FAM13A: variants seen among roughly 807,000 people sequenced by gnomAD.
FAM13A encodes the protein protein FAM13A.
In FAM13A, 76 loss-of-function variants were observed where a neutral mutation model predicts 129.6. The observed-to-expected ratio is 0.59, with a 90% CI of 0.49 to 0.71. FAM13A has a LOEUF of 0.71. FAM13A is among the 30% of genes least tolerant of loss of function. FAM13A has a pLI of 0.00. For synonymous variants in FAM13A, 443 were observed against 449.9 expected (o/e 0.98, Z 0.20); for missense variants, 1,108 against 1,249.3 (o/e 0.89, Z 1.70).
rs773764813 is a variant in FAM13A at position 88,961,347 on chromosome 4, C to CTTTTTTT, written c.606-23113_606-23107dup. Among the ~76,000 whole-genome samples the CTTTTTTT allele has an allele frequency of 1.5e-3, 84 of 55,440 alleles. 15 individuals are homozygous for CTTTTTTT. Among genetic ancestry groups the CTTTTTTT allele is most frequent in the Non-Finnish European group, 2.0e-3 (60 of 29,388 alleles). 36.4% of individuals were successfully genotyped at this position (55,440 alleles called of 152,430 possible). On this transcript the variant is annotated intron_variant, in intron 4 of 23. Transcript: ENST00000264344. ...AAATCCTCAGCTTTGTGGAATTTGC[C>CTTTTTTT]TTTTTTTTTTTTTTTTTTTTTTTTT...
At chr4:88,846,437 G>A (rs964025680) in intron 7 of FAM13A, among the ~76,000 whole-genome samples, 3 of 152,104 alleles carry the variant, frequency 2.0e-5, no homozygotes, top group Admixed American at 1.3e-4. Flanking sequence ...CCCTCCTTAG[G>A]AATCACCTTT....
intron 1 of FAM13A, among the ~76,000 whole-genome samples, chr4:89,034,581 C>T (rs1000353534): frequency 6.6e-6 from 1 of 152,174 alleles, no homozygotes; most frequent in Non-Finnish European, 1.5e-5. Context: ...GGGTAGTATA[C>T]ATCAAAGGAA....
intron 4 of FAM13A, among the ~76,000 whole-genome samples, chr4:88,970,597 A>G (rs1759947506): frequency 6.6e-6 from 1 of 151,890 alleles, no homozygotes; most frequent in South Asian, 2.1e-4. Context: ...ATTGAGTATT[A>G]TATAGACTGA....
At chr4:88,922,567 T>C (rs984675520) in intron 5 of FAM13A, among the ~76,000 whole-genome samples, 6 of 151,226 alleles carry the variant, frequency 4.0e-5, no homozygotes, top group African/African-American at 1.5e-4. Flanking sequence ...TAGAGGGAAA[T>C]TTATAGCACT....
chr4:88,832,038 C>A (rs1241455039), intron 7 of FAM13A, among the ~76,000 whole-genome samples: 1 of 152,038 alleles, frequency 6.6e-6, no homozygotes, highest in South Asian at 2.1e-4. Context: ...CAAAAACAGA[C>A]AAATAGACCA....
At chr4:88,923,902 A>C (rs1201392482) in intron 5 of FAM13A, among the ~76,000 whole-genome samples, 1 of 152,152 alleles carries the variant, frequency 6.6e-6, no homozygotes, top group Non-Finnish European at 1.5e-5. Flanking sequence ...ATTCTTATAC[A>C]CCAGTAACAG....
In FAM13A at chr4:88,938,147, C is replaced by G. The variant is rs917864542; in HGVS notation, c.700G>C (p.Glu234Gln). The change falls in exon 5 of 24, where the codon GAG becomes CAG. Residue 234 changes from glutamate (E) to glutamine (Q), a missense_variant. Transcript: ENST00000264344. ...CTCAGATGATCATTTTCTGTATACT[C>G]TACTTCAAACAGGGTATTGTAATTT... The part of the protein sequence containing the change: ...LENYNTLFEV[E>Q]YTENDHLRCE... 8.7e-6 allele frequency: 14 copies of G among 1,613,110 alleles called. No homozygotes were observed. Among genetic ancestry groups the G allele is most frequent in the Non-Finnish European group, 1.0e-5 (12 of 1,179,288 alleles).
chr4:89,028,551 T>C (rs1560867876), intron 2 of FAM13A, among the ~76,000 whole-genome samples: 1 of 151,882 alleles, frequency 6.6e-6, no homozygotes, highest in Non-Finnish European at 1.5e-5. Flanking sequence ...AATCAGGCAG[T>C]GTGGCAGAAC....
rs535291828 is a variant in FAM13A at position 89,012,327 on chromosome 4, T to C, written c.427+8133A>G. On this transcript the variant is annotated intron_variant, in intron 3 of 23. Coordinates refer to ENST00000264344, the MANE Select transcript of FAM13A (RefSeq NM_014883.4). ...TACTATAAACCTTGATTAAGGAAGATGAGTTGCTGCAGTCAGAGAGAAGCC... is the reference window on the plus strand; with the variant it reads ...TACTATAAACCTTGATTAAGGAAGACGAGTTGCTGCAGTCAGAGAGAAGCC... Among the ~76,000 whole-genome samples the C allele has an allele frequency of 2.8e-4, 43 of 152,262 alleles. No individual in the cohort carries two copies. The South Asian group carries it at 8.9e-3, about 32-fold the overall frequency.
intron 11 of FAM13A, among the ~76,000 whole-genome samples, chr4:88,780,466 T>G (rs1378689362): frequency 6.6e-6 from 1 of 152,196 alleles, no homozygotes; most frequent in Admixed American, 6.6e-5. Flanking sequence ...TGTTTTCTTT[T>G]TTAACTAAAG....
chr4:88,906,813 T>C (rs1362260827), intron 5 of FAM13A, among the ~76,000 whole-genome samples: 1 of 152,218 alleles, frequency 6.6e-6, no homozygotes. Flanking sequence ...CTCCAAAATA[T>C]CAACCAACAA....
intron 14 of FAM13A, among the ~76,000 whole-genome samples, chr4:88,757,992 T>C (rs1282813603): frequency 6.6e-6 from 1 of 152,194 alleles, no homozygotes; most frequent in African/African-American, 2.4e-5. Flanking sequence ...ACATACTGTA[T>C]AGAGGTAGAC....
chr4:88,755,850 T>G (rs964877605), intron 14 of FAM13A, among the ~76,000 whole-genome samples: 1 of 152,272 alleles, frequency 6.6e-6, no homozygotes. Context: ...GGTATTGTTA[T>G]GTTGCCTAGG....
chr4:88,932,839 C>G (rs1020194218), intron 5 of FAM13A, among the ~76,000 whole-genome samples: 1 of 152,128 alleles, frequency 6.6e-6, no homozygotes, highest in African/African-American at 2.4e-5. Context: ...TAATATTTTG[C>G]TTTGCTCAGA....
At chr4:88,823,159 C>T in intron 7 of FAM13A, 4 of 1,500,926 alleles carry the variant, frequency 2.7e-6, no homozygotes, top group Non-Finnish European at 3.5e-6. Flanking sequence ...CTGCAGTTGG[C>T]CAGTCTACTG....
Position 88,796,772 on chromosome 4 carries a change from C to T in FAM13A, c.1050-6145G>A, listed in dbSNP as rs936769027. ...AATTTAATCCACTTACATTTATTGT[C>T]CTAGCTGATTTGTTCTAGTATTGTT... is the stretch of plus-strand genomic sequence containing the variant. On this transcript the variant is annotated intron_variant, in intron 8 of 23. Coordinates refer to ENST00000264344, the MANE Select transcript of FAM13A (RefSeq NM_014883.4). Among the ~76,000 whole-genome samples, 3 of 151,214 alleles carry T rather than the reference C, an allele frequency of 2.0e-5. No homozygotes were observed. The South Asian group carries it at 6.3e-4, about 32-fold the overall frequency.
At position 88,754,763 on chromosome 4, in the gene FAM13A, T is replaced by C. The variant is rs1398703678; in HGVS notation, c.1726+3991A>G. The stretch of plus-strand genomic sequence containing the variant: ...CCAACAGAGTTAGAAAGAACCAGAG[T>C]AGTCAGCTTTATCAATCACAAATGT... On this transcript the variant is annotated intron_variant, in intron 14 of 23. Coordinates refer to ENST00000264344, the MANE Select transcript of FAM13A (RefSeq NM_014883.4). Among the ~76,000 whole-genome samples the C allele has an allele frequency of 2.0e-5, 3 of 152,328 alleles. No individual in the cohort carries two copies. The East Asian group carries it at 5.8e-4, about 29-fold the overall frequency.
At chr4:88,790,439 T>A (rs1402839364) in intron 9 of FAM13A, 147 bp downstream of exon 9, 1 of 658,142 alleles carries the variant, frequency 1.5e-6, no homozygotes, top group Non-Finnish European at 2.6e-6. Flanking sequence ...CTCTCCTCCA[T>A]ATAGTTTAAA....
chr4:88,997,095 G>A (rs1763645332), intron 3 of FAM13A, among the ~76,000 whole-genome samples: 1 of 152,086 alleles, frequency 6.6e-6, no homozygotes, highest in Admixed American at 6.5e-5. Flanking sequence ...AGGACACTCA[G>A]CAATAAAATT....
Sources: allele counts gnomAD v4.1 joint callset (sites outside exome capture counted in the v4.1 genomes callset), GRCh38; gene constraint gnomAD v4.1.1; transcripts MANE v1.5; gene names NCBI Gene and HGNC (gene_info 2026-07-23, HGNC 2026-07-21).